ITGBL1: variants seen among roughly 807,000 people sequenced by gnomAD.
ITGBL1 encodes integrin subunit beta like 1, also known as integrin beta-like protein 1.
ITGBL1 carries 51 observed loss-of-function variants against 68.5 expected under a neutral mutation model. The observed-to-expected ratio is 0.74, with a 90% CI of 0.59 to 0.94. ITGBL1 has a LOEUF of 0.94. ITGBL1 is among the 40% of genes least tolerant of loss of function. The probability of loss-of-function intolerance (pLI) is 0.00; values close to 1 mark genes in which losing one functional copy is unlikely to be tolerated. For missense variants in ITGBL1, 649 were observed against 647.4 expected (o/e 1.00, Z -0.03); for synonymous variants, 209 against 227.3 (o/e 0.92, Z 0.72).
At chr13:101,524,684 A>G (rs780740797) in intron 2 of ITGBL1, among the ~76,000 whole-genome samples, 23 of 150,506 alleles carry the variant, frequency 1.5e-4, no homozygotes, top group Non-Finnish European at 2.7e-4. Flanking sequence ...ATATTCCTGA[A>G]TACCAAAATT....
At chr13:101,515,467 T>A (rs2139121151) in intron 2 of ITGBL1, among the ~76,000 whole-genome samples, 1 of 152,152 alleles carries the variant, frequency 6.6e-6, no homozygotes. Context: ...CGTTGGTGAG[T>A]CTTTCCACTA....
chr13:101,688,970 G>A (rs990073491), intron 7 of ITGBL1, among the ~76,000 whole-genome samples: 7 of 151,882 alleles, frequency 4.6e-5, no homozygotes, highest in South Asian at 2.1e-4. Flanking sequence ...AGGCCAAGGC[G>A]GGTGGATTGC....
chr13:101,556,039 C>A (rs542148416), intron 2 of ITGBL1, among the ~76,000 whole-genome samples: 1 of 152,296 alleles, frequency 6.6e-6, no homozygotes, highest in Admixed American at 6.5e-5. Flanking sequence ...ATAGTAATAG[C>A]TATGATTTGA....
intron 7 of ITGBL1, among the ~76,000 whole-genome samples, chr13:101,656,010 A>G (rs1392038724): frequency 1.3e-5 from 2 of 152,258 alleles, no homozygotes; most frequent in Non-Finnish European, 2.9e-5. Flanking sequence ...CATTTAAGAA[A>G]TACATTGATT....
intron 2 of ITGBL1, among the ~76,000 whole-genome samples, chr13:101,542,214 C>G (rs1430735814): frequency 6.6e-6 from 1 of 152,198 alleles, no homozygotes; most frequent in African/African-American, 2.4e-5. Flanking sequence ...TTTCCCTGTA[C>G]ACACTACTTT....
chr13:101,507,754 T>C (rs147996137), intron 2 of ITGBL1, among the ~76,000 whole-genome samples: 1,542 of 152,204 alleles, frequency 0.01, 23 homozygotes, highest in African/African-American at 0.035. Flanking sequence ...GCAAAATAGA[T>C]ATAATGAGGT....
chr13:101,517,699 G>T (rs1381942788), intron 2 of ITGBL1, among the ~76,000 whole-genome samples: 1 of 152,202 alleles, frequency 6.6e-6, no homozygotes, highest in African/African-American at 2.4e-5. Flanking sequence ...GAGTTGTGTG[G>T]TCCAAATTCT....
intron 2 of ITGBL1, among the ~76,000 whole-genome samples, chr13:101,550,483 T>C (rs1305016722): frequency 2.0e-5 from 3 of 152,154 alleles, no homozygotes; most frequent in Non-Finnish European, 2.9e-5. Flanking sequence ...CTATCTCAAA[T>C]TGATATTCCA....
chr13:101,633,843 A>G lies in ITGBL1; in HGVS notation c.1015+35544A>G, dbSNP rs111804212. ...AGGTATTGGGATAGGCTGATTATGT[A>G]TTTTATTTGTATTAGTCATCACAAT... On this transcript the variant is annotated intron_variant, in intron 7 of 10. Transcript: ENST00000376180. Among the ~76,000 whole-genome samples, 636 of 152,292 alleles carry G rather than the reference A, an allele frequency of 4.2e-3. 2 individuals carry two copies. The highest frequency in any genetic ancestry group is 0.012 in the African/African-American group (507 of 41,576).
chr13:101,502,825 A>G (rs867304932), intron 2 of ITGBL1, among the ~76,000 whole-genome samples: 6 of 152,182 alleles, frequency 3.9e-5, no homozygotes, highest in African/African-American at 1.4e-4. Flanking sequence ...CCAGGAAGAA[A>G]AAAAGAAAGA....
intron 2 of ITGBL1, among the ~76,000 whole-genome samples, chr13:101,488,054 G>A (rs1299415731): frequency 3.3e-5 from 5 of 152,314 alleles, no homozygotes; most frequent in African/African-American, 9.6e-5. Context: ...ATGATGAGAA[G>A]GGAGAGAAGG....
intron 2 of ITGBL1, among the ~76,000 whole-genome samples, chr13:101,559,895 T>A (rs1166625373): frequency 6.6e-6 from 1 of 152,188 alleles, no homozygotes; most frequent in African/African-American, 2.4e-5. Context: ...CCTTCAAGAT[T>A]ACATGGCTAG....
chr13:101,465,795 G>A (rs1170617670), intron 2 of ITGBL1, among the ~76,000 whole-genome samples: 1 of 152,178 alleles, frequency 6.6e-6, no homozygotes, highest in Non-Finnish European at 1.5e-5. Context: ...TTGGCAGTTT[G>A]TAGGGGCTCA....
intron 7 of ITGBL1, among the ~76,000 whole-genome samples, chr13:101,601,186 T>G (rs2030353564): frequency 2.0e-5 from 3 of 152,308 alleles, no homozygotes; most frequent in South Asian, 2.1e-4. Flanking sequence ...TTGAGGAAAT[T>G]TATCCATTTC....
intron 2 of ITGBL1, among the ~76,000 whole-genome samples, chr13:101,563,674 A>G (rs1232535437): frequency 6.6e-6 from 1 of 151,912 alleles, no homozygotes; most frequent in Non-Finnish European, 1.5e-5. Context: ...AAAAATGAAT[A>G]TTCTAGGCTC....
intron 6 of ITGBL1, among the ~76,000 whole-genome samples, chr13:101,588,307 G>A (rs1164338827): frequency 6.6e-6 from 1 of 151,904 alleles, no homozygotes; most frequent in Non-Finnish European, 1.5e-5. Context: ...TTGTGTGTGT[G>A]TGTGTGTGCA....
intron 3 of ITGBL1, among the ~76,000 whole-genome samples, chr13:101,574,593 T>C (rs1008726973): frequency 1.3e-5 from 2 of 152,172 alleles, no homozygotes; most frequent in Non-Finnish European, 2.9e-5. Flanking sequence ...CAAGTCTCAG[T>C]TGATACATGG....
At chr13:101,536,991 A>T (rs1488931489) in intron 2 of ITGBL1, among the ~76,000 whole-genome samples, 1 of 152,010 alleles carries the variant, frequency 6.6e-6, no homozygotes, top group Admixed American at 6.6e-5. Flanking sequence ...TTTGTCTGTG[A>T]TGAAAACTTA....
chr13:101,670,455 G>A (rs1209652582), intron 7 of ITGBL1, among the ~76,000 whole-genome samples: 1 of 152,082 alleles, frequency 6.6e-6, no homozygotes, highest in Non-Finnish European at 1.5e-5. Flanking sequence ...GCTTTATGTT[G>A]TCTTACTAGG....
Sources: allele counts gnomAD v4.1 joint callset (sites outside exome capture counted in the v4.1 genomes callset), GRCh38; gene constraint gnomAD v4.1.1; transcripts MANE v1.5; gene names NCBI Gene and HGNC (gene_info 2026-07-23, HGNC 2026-07-21).